The following RGS6 variants were observed in gnomAD, a reference collection of about 807,000 sequenced individuals.
RGS6 encodes regulator of G-protein signaling 6.
A neutral mutation model predicts 78.5 loss-of-function variants in RGS6; 30 were observed. The ratio of observed to expected loss-of-function variants is 0.38; its 90% CI spans 0.29 to 0.52. The LOEUF (loss-of-function observed/expected upper bound fraction) is 0.52. Ranked by LOEUF, RGS6 falls within the 20% of genes least tolerant of loss-of-function variation. The probability of loss-of-function intolerance (pLI) is 0.85; values close to 1 mark genes in which losing one functional copy is unlikely to be tolerated. For synonymous variants in RGS6, 206 were observed against 206.0 expected, an observed-to-expected ratio of 1.00 and a Z score of 0.00; for missense variants, 495 against 609.7, an observed-to-expected ratio of 0.81 and a Z score of 1.98.
chr14:72,351,983 T>A (rs2079181127), intron 2 of RGS6, 112 bp from the exon 3 acceptor site: 2 of 736,878 alleles, frequency 2.7e-6, no homozygotes, highest in Middle Eastern at 3.2e-4. Flanking sequence ...GGGAGCTTTT[T>A]GTGATATCTA....
the RGS6 span, among the ~76,000 whole-genome samples, chr14:72,589,877 G>C: frequency 6.6e-6 from 1 of 151,984 alleles, no homozygotes; most frequent in Non-Finnish European, 1.5e-5. Flanking sequence ...GGAAACACAG[G>C]GTTCAAAAAC....
chr14:71,983,629 C>T (rs763795026), intron 2 of RGS6, among the ~76,000 whole-genome samples: 1 of 152,192 alleles, frequency 6.6e-6, no homozygotes, highest in African/African-American at 2.4e-5. Context: ...TCACCCTGGT[C>T]TTCGCCTTTG....
chr14:72,222,342 T>C (rs776527219), intron 2 of RGS6, among the ~76,000 whole-genome samples: 1 of 152,230 alleles, frequency 6.6e-6, no homozygotes, highest in Non-Finnish European at 1.5e-5. Context: ...GCCTTTGCTG[T>C]ACTTTTTAGC....
intron 2 of RGS6, among the ~76,000 whole-genome samples, chr14:72,248,854 C>T (rs887048609): frequency 2.0e-5 from 3 of 152,206 alleles, no homozygotes; most frequent in African/African-American, 4.8e-5. Flanking sequence ...GAGTTATGAG[C>T]ACTGCTCCAC....
intron 3 of RGS6, among the ~76,000 whole-genome samples, chr14:72,390,998 G>A (rs1482167712): frequency 6.6e-6 from 1 of 152,188 alleles, no homozygotes; most frequent in African/African-American, 2.4e-5. Context: ...TGTGACCAGA[G>A]CTTACAAGGG....
chr14:72,277,533 G>A (rs2060876820), intron 2 of RGS6, among the ~76,000 whole-genome samples: 2 of 152,010 alleles, frequency 1.3e-5, no homozygotes, highest in African/African-American at 4.8e-5. Flanking sequence ...GGCATCAAAA[G>A]TTGCAGTGAG....
At chr14:72,363,304 C>G (rs1393762938) in intron 3 of RGS6, among the ~76,000 whole-genome samples, 1 of 152,126 alleles carries the variant, frequency 6.6e-6, no homozygotes. Context: ...GTTATGGAGT[C>G]TAGATGAGGG....
At chr14:72,232,644 G>A (rs543209540) in intron 2 of RGS6, among the ~76,000 whole-genome samples, 33 of 152,294 alleles carry the variant, frequency 2.2e-4, no homozygotes, top group East Asian at 2.1e-3. Flanking sequence ...ATGGAGAGGC[G>A]GATCTGGCTT....
intron 2 of RGS6, among the ~76,000 whole-genome samples, chr14:72,050,547 A>T (rs2093168741): frequency 6.6e-6 from 1 of 152,168 alleles, no homozygotes; most frequent in Admixed American, 6.5e-5. Context: ...GTCTTGATAC[A>T]TAGAGAAGTA....
At chr14:72,307,618 A>C (rs1288310547) in intron 2 of RGS6, among the ~76,000 whole-genome samples, 1 of 152,140 alleles carries the variant, frequency 6.6e-6, no homozygotes, top group Non-Finnish European at 1.5e-5. Flanking sequence ...CTCTTCATGC[A>C]CAAAAATGAG....
chr14:71,927,951 C>T (rs982928368), upstream of RGS6, among the ~76,000 whole-genome samples: 6 of 152,138 alleles, frequency 3.9e-5, no homozygotes, highest in Non-Finnish European at 8.8e-5. Flanking sequence ...AGCCACCGCG[C>T]CCGGCCAAGA....
chr14:72,332,462 T>C (rs2075260591), intron 2 of RGS6, among the ~76,000 whole-genome samples: 1 of 152,212 alleles, frequency 6.6e-6, no homozygotes, highest in Non-Finnish European at 1.5e-5. Flanking sequence ...ACATCACTTT[T>C]GTCACCAACT....
intron 15 of RGS6, among the ~76,000 whole-genome samples, chr14:72,519,484 C>CT (rs2097000594): frequency 6.6e-6 from 1 of 152,226 alleles, no homozygotes; most frequent in Non-Finnish European, 1.5e-5. Context: ...CTCAGTGTAG[C>CT]TGCACCAATG....
chr14:72,395,463 GA>G (rs2091002459), intron 3 of RGS6, among the ~76,000 whole-genome samples: 1 of 152,062 alleles, frequency 6.6e-6, no homozygotes, highest in African/African-American at 2.4e-5. Flanking sequence ...CTTATATACA[GA>G]AGTAAATGAA....
intron 1 of RGS6, among the ~76,000 whole-genome samples, chr14:71,944,930 T>C (rs1163240187): frequency 6.6e-6 from 1 of 152,222 alleles, no homozygotes; most frequent in East Asian, 1.9e-4. Context: ...TACTGAATAC[T>C]GTAGGCAATT....
intron 3 of RGS6, among the ~76,000 whole-genome samples, chr14:72,388,091 A>T (rs1218674593): frequency 6.6e-6 from 1 of 152,190 alleles, no homozygotes; most frequent in African/African-American, 2.4e-5. Context: ...GACTCCACAT[A>T]TGAATTTTTG....
intron 3 of RGS6, among the ~76,000 whole-genome samples, chr14:72,356,587 C>T (rs2080341729): frequency 6.6e-6 from 1 of 152,136 alleles, no homozygotes; most frequent in Admixed American, 6.5e-5. Flanking sequence ...AGTCCCCACC[C>T]AAATCTCATC....
chr14:72,060,702 G>A (rs1372966501), intron 2 of RGS6, among the ~76,000 whole-genome samples: 3 of 152,176 alleles, frequency 2.0e-5, no homozygotes, highest in Admixed American at 6.5e-5. Context: ...GCATTGCCAA[G>A]GACGCATCAG....
At chr14:71,874,241 C>A in the RGS6 span, among the ~76,000 whole-genome samples, 2 of 151,888 alleles carry the variant, frequency 1.3e-5, no homozygotes, top group Admixed American at 6.6e-5. Context: ...GCAGTATGGC[C>A]ATTTTCACGA....
Sources: gnomAD v4.1 joint callset for allele counts (sites outside exome capture counted in the v4.1 genomes callset) on GRCh38, gnomAD v4.1.1 for gene constraint, MANE v1.5 for transcripts, NCBI Gene and HGNC (gene_info 2026-07-23, HGNC 2026-07-21) for gene names.